IARS2: variants seen among roughly 807,000 people sequenced by gnomAD.
The protein encoded by IARS2 is isoleucine--tRNA ligase, mitochondrial.
A neutral mutation model predicts 126.3 loss-of-function variants in IARS2; 56 were observed. The ratio of observed to expected loss-of-function variants is 0.44; its 90% CI spans 0.36 to 0.55. The LOEUF (loss-of-function observed/expected upper bound fraction) is 0.55. Ranked by LOEUF, IARS2 falls within the 20% of genes least tolerant of loss-of-function variation. IARS2 has a pLI of 0.00. For synonymous variants in IARS2, 407 were observed against 441.1 expected, an observed-to-expected ratio of 0.92 and a Z score of 0.97; for missense variants, 1,127 against 1,245.9, an observed-to-expected ratio of 0.90 and a Z score of 1.44.
intron 21 of IARS2, chr1:220,144,493 C>T (rs1360515482): frequency 1.7e-5 from 8 of 476,260 alleles, no homozygotes; most frequent in Non-Finnish European, 3.0e-5. Context: ...AAGATTTGAG[C>T]TTGAAATAGC....
At chr1:220,147,290 T>TAA (rs1657620602) in intron 22 of IARS2, among the ~76,000 whole-genome samples, 1 of 152,154 alleles carries the variant, frequency 6.6e-6, no homozygotes, top group Non-Finnish European at 1.5e-5. Context: ...ACGGGGTCTC[T>TAA]AATTCCTCAG....
intron 15 of IARS2, 187 bp downstream of exon 15, chr1:220,134,697 T>C (rs1388538713): frequency 1.3e-5 from 5 of 378,468 alleles, no homozygotes; most frequent in Non-Finnish European, 2.4e-5. Context: ...ATGCAGATCA[T>C]AACTCTTTGA....
At chr1:220,147,405 T>C in intron 22 of IARS2, 88 bp from the exon 23 acceptor site, 2 of 1,293,392 alleles carry the variant, frequency 1.5e-6, no homozygotes, top group African/African-American at 1.5e-5. Context: ...GACAAAAGAC[T>C]GAAAAAGAAG....
chr1:220,144,736 T>G (rs920776784), intron 21 of IARS2, among the ~76,000 whole-genome samples: 4 of 152,196 alleles, frequency 2.6e-5, no homozygotes, highest in Admixed American at 1.3e-4. Context: ...AAAAATACTT[T>G]GGGATTTTCA....
In IARS2 at chr1:220,102,496, A is replaced by C; in HGVS notation, c.751A>C (p.Thr251Pro). ...KPVFWSPSSR[T>P]ALAEAELEYN... ...ATGTTTAATATTTTTAACCCTTAGGACTGCATTGGCTGAAGCAGAACTTGA... is the reference window on the plus strand; with the variant it reads ...ATGTTTAATATTTTTAACCCTTAGGCCTGCATTGGCTGAAGCAGAACTTGA... The change falls in exon 6 of 23, where the codon ACT becomes CCT. Residue 251 changes from threonine to proline, a missense_variant and splice_region_variant. Thr to Pro is a conservative substitution (Grantham distance 38, BLOSUM62 -1). Transcript: ENST00000366922. 6.2e-7 allele frequency: 1 copy of C among 1,613,228 alleles called. No individual in the cohort carries two copies. Among genetic ancestry groups the C allele is most frequent in the Non-Finnish European group, 8.5e-7 (1 of 1,179,314 alleles).
intron 12 of IARS2, among the ~76,000 whole-genome samples, chr1:220,115,748 C>T (rs1656900415): frequency 6.6e-6 from 1 of 152,050 alleles, no homozygotes; most frequent in Non-Finnish European, 1.5e-5. Flanking sequence ...GAATTTGAAC[C>T]CAGGCTTTGC....
At position 220,137,855 on chromosome 1, in the gene IARS2, C is replaced by T. The variant is rs1044675965; in HGVS notation, c.2050-63C>T. ...ATCTGAATAGGAGCTTTACCTAAAA[C>T]ATTTGTTCGGCTAATTGGAATTGAA... On this transcript the variant is annotated intron_variant, in intron 16 of 22. Transcript: ENST00000366922. The T allele has an allele frequency of 2.1e-5, 33 of 1,586,196 alleles. No homozygotes were observed. The Admixed American group carries it at 2.4e-4, about 11-fold the overall frequency.
intron 2 of IARS2, among the ~76,000 whole-genome samples, chr1:220,096,767 C>T (rs1208715334): frequency 6.6e-6 from 1 of 152,162 alleles, no homozygotes; most frequent in African/African-American, 2.4e-5. Context: ...ATTAAAGAGA[C>T]CAGGCGCAGT....
intron 14 of IARS2, among the ~76,000 whole-genome samples, chr1:220,129,216 G>A (rs540497798): frequency 1.7e-4 from 26 of 152,088 alleles, no homozygotes; most frequent in Non-Finnish European, 3.2e-4. Context: ...GATTTTCACT[G>A]CAACAGAAAA....
chr1:220,100,201 T>G lies in IARS2; in HGVS notation c.391-289T>G, dbSNP rs577291892. 2.9e-3 allele frequency among the ~76,000 whole-genome samples: 442 copies of G among 152,366 alleles called. 1 individual carries two copies. The highest frequency in any genetic ancestry group is 0.01 in the Middle Eastern group (3 of 294). ...TTGTCAATGACAGAGTTAACCACAA[T>G]ATTCCATTCTCTGAGTACACTGTAA... is the stretch of plus-strand genomic sequence containing the variant. On this transcript the variant is annotated intron_variant, in intron 2 of 22. Coordinates refer to ENST00000366922, the MANE Select transcript of IARS2 (RefSeq NM_018060.4).
At chr1:220,141,096 T>TC (rs1210347625) in intron 19 of IARS2, among the ~76,000 whole-genome samples, 1 of 152,154 alleles carries the variant, frequency 6.6e-6, no homozygotes, top group East Asian at 1.9e-4. Flanking sequence ...ATCTGTTTCT[T>TC]CATCTGTAAA....
chr1:220,146,128 A>G (rs1288567351), intron 22 of IARS2, among the ~76,000 whole-genome samples: 2 of 152,232 alleles, frequency 1.3e-5, no homozygotes, highest in Non-Finnish European at 2.9e-5. Flanking sequence ...TAACAATGGT[A>G]TCTCATAAGC....
At chr1:220,146,242 C>T (rs1236399631) in intron 22 of IARS2, among the ~76,000 whole-genome samples, 1 of 152,120 alleles carries the variant, frequency 6.6e-6, no homozygotes, top group Non-Finnish European at 1.5e-5. Flanking sequence ...ATAGGCTGGG[C>T]ACGGTGGCTC....
At chr1:220,119,076 G>A (rs1361061811) in intron 12 of IARS2, among the ~76,000 whole-genome samples, 2 of 152,144 alleles carry the variant, frequency 1.3e-5, no homozygotes, top group Admixed American at 6.6e-5. Flanking sequence ...AAGACAGTGG[G>A]ATGACAGCAG....
chr1:220,138,982 T>C (rs1275005563), intron 17 of IARS2, 26 bp from the exon 18 acceptor site: 1 of 1,592,774 alleles, frequency 6.3e-7, no homozygotes, highest in African/African-American at 1.4e-5. Context: ...TTTTTTTAAC[T>C]GCATATTTTT....
At chr1:220,100,435 A>C (rs1049512909) in intron 2 of IARS2, 55 bp from the exon 3 acceptor site, 2 of 1,376,514 alleles carry the variant, frequency 1.5e-6, no homozygotes, top group Non-Finnish European at 2.0e-6. Context: ...CAGATTTTGA[A>C]ATACATGGCC....
rs1657448734 is a variant in IARS2 at position 220,139,679 on chromosome 1, G to T, written c.2308-504G>T. Reference sequence around the variant, plus strand: ...GGCAGGAGAATCGCTTGAGCCCATGGTTTTGAGGCTGCAGTGAGCTGTGAT... The same window carrying T: ...GGCAGGAGAATCGCTTGAGCCCATGTTTTTGAGGCTGCAGTGAGCTGTGAT... On this transcript the variant is annotated intron_variant, in intron 18 of 22. Coordinates refer to ENST00000366922, the MANE Select transcript of IARS2 (RefSeq NM_018060.4). Among the ~76,000 whole-genome samples the T allele has an allele frequency of 2.6e-5, 4 of 152,020 alleles. No homozygotes were observed. In the South Asian group the frequency reaches 8.3e-4, roughly 31 times the overall value.
intron 13 of IARS2, among the ~76,000 whole-genome samples, chr1:220,126,106 C>CAAAAAAAAA (rs372363841): frequency 2.5e-5 from 2 of 81,464 alleles, no homozygotes; most frequent in Non-Finnish European, 5.0e-5. Flanking sequence ...AACTCTGTCT[C>CAAAAAAAAA]AAAAAAAAAA....
At chr1:220,118,270 A>C in intron 12 of IARS2, 1 of 443,904 alleles carries the variant, frequency 2.3e-6, no homozygotes, top group South Asian at 1.7e-5. Flanking sequence ...CCTTTTGCTC[A>C]TCATGGGAGC....
Sources: gnomAD v4.1 joint callset for allele counts (sites outside exome capture counted in the v4.1 genomes callset) on GRCh38, gnomAD v4.1.1 for gene constraint, MANE v1.5 for transcripts, NCBI Gene and HGNC (gene_info 2026-07-23, HGNC 2026-07-21) for gene names.